The following FAM193A variants were observed in gnomAD, a reference collection of about 807,000 sequenced individuals.
The protein encoded by FAM193A is family with sequence similarity 193 member A, also known as protein FAM193A.
FAM193A carries 22 observed loss-of-function variants against 126.5 expected under a neutral mutation model. That is an observed-to-expected ratio of 0.17 (90% CI 0.12 to 0.25). The LOEUF (loss-of-function observed/expected upper bound fraction) is 0.25. FAM193A is among the 10% of genes least tolerant of loss of function. FAM193A has a pLI of 1.00. For synonymous variants in FAM193A, 761 were observed against 646.8 expected (o/e 1.18, Z -2.68); for missense variants, 1,675 against 1,672.8 (o/e 1.00, Z -0.02).
intron 1 of FAM193A, among the ~76,000 whole-genome samples, chr4:2,591,183 G>C (rs996537601): frequency 2.0e-5 from 3 of 152,146 alleles, no homozygotes; most frequent in African/African-American, 7.2e-5. Context: ...GTAAAGGAAA[G>C]GCGGGGAGAT....
At position 2,690,804 on chromosome 4, in the gene FAM193A, T is replaced by C; in HGVS notation, c.2637T>C (p.Asn879=). The C allele has an allele frequency of 6.2e-7, 1 of 1,614,104 alleles. No homozygotes were observed. The highest frequency in any genetic ancestry group is 1.1e-5 in the South Asian group (1 of 91,082). The change falls in exon 15 of 21, where the codon AAT becomes AAC. Residue 879 remains asparagine (N), a synonymous_variant. Coordinates refer to ENST00000637812, the MANE Select transcript of FAM193A (RefSeq NM_001366318.2). The stretch of plus-strand genomic sequence containing the variant: ...TCTCGGATAGTAAAGAGAAAAAGAA[T>C]GCTGCAAAAAAGAAATGTTTATACA... The part of the protein sequence containing the change: ...PAVSDSKEKK[N]AAKKKCLYNF...
intron 2 of FAM193A, among the ~76,000 whole-genome samples, chr4:2,621,484 C>T (rs988220734): frequency 6.6e-6 from 1 of 152,178 alleles, no homozygotes; most frequent in African/African-American, 2.4e-5. Context: ...GAACTTTGAC[C>T]TGAGCAACCT....
Position 2,709,076 on chromosome 4 carries a change from G to A in FAM193A, c.4373-6947G>A, listed in dbSNP as rs556161788. 7.9e-5 allele frequency among the ~76,000 whole-genome samples: 12 copies of A among 152,078 alleles called. No homozygotes were observed. The South Asian group carries it at 1.7e-3, about 21-fold the overall frequency. On this transcript the variant is annotated intron_variant, in intron 19 of 20. Coordinates refer to ENST00000637812, the MANE Select transcript of FAM193A (RefSeq NM_001366318.2). ...ATTTAATGTTAAAAAAAAATCCAGC[G>A]ATTCCTCATCTCTTGAGTGTTTTTC...
intron 5 of FAM193A, among the ~76,000 whole-genome samples, chr4:2,633,201 C>T (rs1274554209): frequency 1.3e-5 from 2 of 151,928 alleles, no homozygotes; most frequent in East Asian, 1.9e-4. Context: ...AGTTCAAGAC[C>T]AGCCTGGCCA....
intron 1 of FAM193A, among the ~76,000 whole-genome samples, chr4:2,558,228 T>A (rs6856240): frequency 0.24 from 36,478 of 150,742 alleles, 4,583 homozygotes; most frequent in East Asian, 0.32. Flanking sequence ...TAGATCGTGC[T>A]ACTGTATTTC....
intron 1 of FAM193A, among the ~76,000 whole-genome samples, chr4:2,590,479 A>C (rs1416066786): frequency 8.5e-5 from 8 of 93,932 alleles, no homozygotes; most frequent in African/African-American, 2.9e-4. Flanking sequence ...AAAAAAACAA[A>C]AAAAAACAAA....
At chr4:2,727,882 C>G (rs984074589) in intron 20 of FAM193A, among the ~76,000 whole-genome samples, 3 of 151,414 alleles carry the variant, frequency 2.0e-5, no homozygotes, top group African/African-American at 7.3e-5. Context: ...GGCTTGATCA[C>G]AGTTCATTGC....
At chr4:2,542,141 G>C (rs1737275316) in intron 1 of FAM193A, among the ~76,000 whole-genome samples, 1 of 151,980 alleles carries the variant, frequency 6.6e-6, no homozygotes, top group South Asian at 2.1e-4. Flanking sequence ...TCAGCCTCCT[G>C]AGTAGCTGGG....
intron 20 of FAM193A, among the ~76,000 whole-genome samples, chr4:2,719,208 G>A (rs1719852386): frequency 1.3e-5 from 2 of 152,170 alleles, no homozygotes; most frequent in Admixed American, 1.3e-4. Context: ...TCTCCAGGAG[G>A]CTGAGGCAGG....
chr4:2,660,364 C>G (rs1276422264), intron 10 of FAM193A, among the ~76,000 whole-genome samples: 1 of 152,136 alleles, frequency 6.6e-6, no homozygotes, highest in Non-Finnish European at 1.5e-5. Flanking sequence ...GTGACCAGTC[C>G]GCCGTCTGTC....
intron 2 of FAM193A, among the ~76,000 whole-genome samples, chr4:2,610,990 G>A (rs997453640): frequency 6.6e-6 from 1 of 152,234 alleles, no homozygotes; most frequent in African/African-American, 2.4e-5. Context: ...ACTCGCCTCC[G>A]CCTCCCAAAG....
intron 18 of FAM193A, among the ~76,000 whole-genome samples, chr4:2,699,446 C>CACACACA (rs1553912476): frequency 1.9e-5 from 2 of 103,478 alleles, no homozygotes; most frequent in African/African-American, 7.0e-5. Flanking sequence ...ACCCCCCCCC[C>CACACACA]CACACACACA....
rs17164082 is a variant in FAM193A at position 2,672,165 on chromosome 4, G to A, written c.2124G>A (p.Gln708=). The change falls in exon 13 of 21, where the codon CAG becomes CAA. Residue 708 remains glutamine (Q), a synonymous_variant. Coordinates refer to ENST00000637812, the MANE Select transcript of FAM193A (RefSeq NM_001366318.2). ...CTTGTGAATGTCATGTTTGTAAGCA[G>A]GAAGCTTCTGGACTGACACCATCTG... The part of the protein sequence containing the change: ...PNTCECHVCK[Q]EASGLTPSAM... 9,728 of 1,614,138 alleles carry A rather than the reference G, an allele frequency of 6.0e-3. 451 individuals carry two copies. The African/African-American group carries it at 0.1, about 17-fold the overall frequency.
rs763063022 is a variant in FAM193A, at chr4:2,689,492, AT to A, written c.2332-5del. The A allele has an allele frequency of 9.6e-5, 147 of 1,531,622 alleles. No individual in the cohort carries two copies. Among genetic ancestry groups the A allele is most frequent in the South Asian group, 3.1e-4 (24 of 77,548 alleles). The allele number at this position is 1,531,622 out of a possible 1,614,324, so 94.9% of individuals were successfully genotyped here. A position where few individuals can be genotyped will look rare whatever the true frequency, so the allele number is the denominator to read the frequency against. On this transcript the variant is annotated splice_polypyrimidine_tract_variant and intron_variant, in intron 13 of 20. Transcript: ENST00000637812. ...ATTAATTTTGATATGTGATTAGAAA[AT>A]TTTTTTTTGTAGGCTTTACCGCCAG... is the stretch of plus-strand genomic sequence containing the variant.
chr4:2,592,600 G>A (rs949034449), intron 1 of FAM193A, among the ~76,000 whole-genome samples: 2 of 152,190 alleles, frequency 1.3e-5, no homozygotes, highest in Middle Eastern at 3.2e-3. Flanking sequence ...CTCCAGCCTT[G>A]CCCAGGCTTC....
At chr4:2,546,571 G>T (rs1369804180) in intron 1 of FAM193A, among the ~76,000 whole-genome samples, 1 of 152,110 alleles carries the variant, frequency 6.6e-6, no homozygotes, top group Non-Finnish European at 1.5e-5. Context: ...TAATGACTTT[G>T]AGATTCATCC....
intron 13 of FAM193A, among the ~76,000 whole-genome samples, chr4:2,675,298 A>G (rs915339016): frequency 2.6e-5 from 4 of 152,148 alleles, no homozygotes; most frequent in Admixed American, 2.0e-4. Context: ...GTCAGCAACT[A>G]TGTTTTGACT....
At chr4:2,603,825 AAC>A (rs1159108727) in intron 2 of FAM193A, among the ~76,000 whole-genome samples, 1 of 151,486 alleles carries the variant, frequency 6.6e-6, no homozygotes, top group Non-Finnish European at 1.5e-5. Context: ...TAAGTATCCA[AAC>A]ACATATCTCT....
At chr4:2,634,949 T>C (rs1743944450) in intron 5 of FAM193A, among the ~76,000 whole-genome samples, 1 of 152,206 alleles carries the variant, frequency 6.6e-6, no homozygotes, top group African/African-American at 2.4e-5. Flanking sequence ...CTGACTTCAT[T>C]ATGCCTTCTT....
Sources: allele counts gnomAD v4.1 joint callset (sites outside exome capture counted in the v4.1 genomes callset), GRCh38; gene constraint gnomAD v4.1.1; transcripts MANE v1.5; gene names NCBI Gene and HGNC (gene_info 2026-07-23, HGNC 2026-07-21).